FOXP1: variants seen among roughly 807,000 people sequenced by gnomAD.
FOXP1 encodes the protein forkhead box protein P1.
Under a neutral mutation model 98.2 loss-of-function variants are expected in FOXP1, and 15 were observed. The ratio of observed to expected loss-of-function variants is 0.15; its 90% CI spans 0.10 to 0.24. The LOEUF is 0.24. FOXP1 is among the 10% of genes least tolerant of loss of function. The probability of loss-of-function intolerance (pLI) is 1.00; values close to 1 mark genes in which losing one functional copy is unlikely to be tolerated. For synonymous variants in FOXP1, 371 were observed against 314.5 expected (o/e 1.18, Z -1.90); for missense variants, 633 against 848.5 (o/e 0.75, Z 3.15).
intron 13 of FOXP1, among the ~76,000 whole-genome samples, chr3:70,988,932 G>C (rs1369024437): frequency 6.6e-6 from 1 of 152,134 alleles, no homozygotes; most frequent in Non-Finnish European, 1.5e-5. Context: ...GTGGCATTTA[G>C]GGAAGATGGA....
At chr3:71,298,598 G>A (rs143163968) in intron 5 of FOXP1, among the ~76,000 whole-genome samples, 142 of 152,288 alleles carry the variant, frequency 9.3e-4, no homozygotes, top group African/African-American at 3.3e-3. Context: ...CATCTGAAAC[G>A]TATGTTTGTC....
intron 7 of FOXP1, among the ~76,000 whole-genome samples, chr3:71,068,418 T>C (rs1376027307): frequency 1.3e-5 from 2 of 152,192 alleles, no homozygotes; most frequent in African/African-American, 4.8e-5. Flanking sequence ...GAGCGTCTCC[T>C]CAGGACATTA....
chr3:71,310,936 G>A (rs2074638905), intron 4 of FOXP1, among the ~76,000 whole-genome samples: 2 of 152,216 alleles, frequency 1.3e-5, no homozygotes, highest in Non-Finnish European at 2.9e-5. Flanking sequence ...CAGCTGAACT[G>A]ATTCTGTTTG....
chr3:71,560,125 C>T (rs830605), intron 2 of FOXP1, among the ~76,000 whole-genome samples: 85,619 of 152,006 alleles, frequency 0.56, 26,314 homozygotes, highest in African/African-American at 0.82. Context: ...AAGCTAATCA[C>T]CACCATACTT....
At chr3:71,393,979 G>T (rs2108142153) in intron 3 of FOXP1, among the ~76,000 whole-genome samples, 1 of 152,306 alleles carries the variant, frequency 6.6e-6, no homozygotes, top group South Asian at 2.1e-4. Context: ...ACAGGCATGA[G>T]CCACTGCACT....
At chr3:71,406,339 C>T (rs2082320027) in intron 3 of FOXP1, among the ~76,000 whole-genome samples, 1 of 142,690 alleles carries the variant, frequency 7.0e-6, no homozygotes. Flanking sequence ...TAGCCTGTGG[C>T]CTCTTCCCGA....
At chr3:71,274,638 G>C (rs1045163975) in intron 5 of FOXP1, among the ~76,000 whole-genome samples, 1 of 152,126 alleles carries the variant, frequency 6.6e-6, no homozygotes, top group Non-Finnish European at 1.5e-5. Flanking sequence ...AAGTATTTTC[G>C]ATAACACAGT....
At chr3:71,498,262 T>G (rs1266179282) in intron 2 of FOXP1, among the ~76,000 whole-genome samples, 3 of 152,208 alleles carry the variant, frequency 2.0e-5, no homozygotes, top group African/African-American at 7.2e-5. Flanking sequence ...GATGTTTTCT[T>G]GTTTTGTTCT....
intron 10 of FOXP1, 27 bp from the exon 11 acceptor site, chr3:71,041,559 A>G: frequency 6.3e-7 from 1 of 1,591,894 alleles, no homozygotes; most frequent in South Asian, 1.1e-5. Context: ...GGATAATTAA[A>G]TCAATTAACA....
chr3:70,970,903 A>T, intron 18 of FOXP1, 98 bp from the exon 19 acceptor site: 1 of 911,446 alleles, frequency 1.1e-6, no homozygotes, highest in Non-Finnish European at 1.8e-6. Flanking sequence ...CTTCCAAATG[A>T]GCAATTTCCC....
chr3:71,223,683 G>T, intron 5 of FOXP1, among the ~76,000 whole-genome samples: 1 of 124,266 alleles, frequency 8.0e-6, no homozygotes, highest in East Asian at 2.4e-4. Context: ...GACAGAGCGA[G>T]ACTACGTCTC....
chr3:71,485,930 TA>T (rs1293664217), intron 3 of FOXP1, among the ~76,000 whole-genome samples: 2 of 152,320 alleles, frequency 1.3e-5, no homozygotes, highest in East Asian at 3.9e-4. Flanking sequence ...GCTGCCTCTA[TA>T]AAAATCTTGC....
At chr3:71,479,008 A>G (rs1006404802) in intron 3 of FOXP1, among the ~76,000 whole-genome samples, 1 of 152,246 alleles carries the variant, frequency 6.6e-6, no homozygotes, top group African/African-American at 2.4e-5. Context: ...GCTCTGGCAC[A>G]TTGAGAATAG....
intron 7 of FOXP1, among the ~76,000 whole-genome samples, chr3:71,062,229 T>A (rs2051609995): frequency 6.6e-6 from 1 of 152,238 alleles, no homozygotes. Context: ...TACGCAACAC[T>A]GCATGCCTTT....
At chr3:71,369,609 G>C (rs1229754588) in intron 3 of FOXP1, among the ~76,000 whole-genome samples, 1 of 152,080 alleles carries the variant, frequency 6.6e-6, no homozygotes, top group African/African-American at 2.4e-5. Flanking sequence ...TGGTCAGGCT[G>C]GTCTTGAACT....
chr3:71,337,951 G>T (rs1000721155), intron 4 of FOXP1, among the ~76,000 whole-genome samples: 1 of 152,170 alleles, frequency 6.6e-6, no homozygotes, highest in Non-Finnish European at 1.5e-5. Context: ...ACGAGGAAGC[G>T]CTCGTTTCAC....
At chr3:71,284,363 G>A (rs79077936) in intron 5 of FOXP1, among the ~76,000 whole-genome samples, 1,556 of 152,162 alleles carry the variant, frequency 0.01, 39 homozygotes, top group East Asian at 0.1. Flanking sequence ...CCAAGAGTTC[G>A]AGACCAGCCT....
At chr3:71,066,091 C>CAA (rs34279433) in intron 7 of FOXP1, among the ~76,000 whole-genome samples, 16,388 of 104,872 alleles carry the variant, frequency 0.16, 1,356 homozygotes, top group East Asian at 0.42. Flanking sequence ...TATTTGCCTT[C>CAA]AAAAAAAAAA....
chr3:71,547,856 A>G (rs575281173), intron 2 of FOXP1, among the ~76,000 whole-genome samples: 3 of 152,330 alleles, frequency 2.0e-5, no homozygotes, highest in South Asian at 2.1e-4. Context: ...TTTGGCCACA[A>G]TGGTCTGAGC....
Sources: allele counts gnomAD v4.1 joint callset (sites outside exome capture counted in the v4.1 genomes callset), GRCh38; gene constraint gnomAD v4.1.1; transcripts MANE v1.5; gene names NCBI Gene and HGNC (gene_info 2026-07-23, HGNC 2026-07-21).